MRPS6: variants seen among roughly 807,000 people sequenced by gnomAD.
MRPS6 encodes mitochondrial ribosomal protein S6, also known as small ribosomal subunit protein bS6m.
A neutral mutation model predicts 13.1 loss-of-function variants in MRPS6; 6 were observed. The observed-to-expected ratio is 0.46, with a 90% CI of 0.25 to 0.91. The LOEUF is 0.91. Ranked by LOEUF, MRPS6 falls within the 40% of genes least tolerant of loss-of-function variation. The probability of loss-of-function intolerance (pLI) is 0.18; values close to 1 mark genes in which losing one functional copy is unlikely to be tolerated. For synonymous variants in MRPS6, 61 were observed against 56.5 expected (o/e 1.08, Z -0.36); for missense variants, 164 against 155.6 (o/e 1.05, Z -0.29).
At chr21:34,114,629 C>G (rs1218029640) in intron 1 of MRPS6, among the ~76,000 whole-genome samples, 2 of 152,258 alleles carry the variant, frequency 1.3e-5, no homozygotes, top group South Asian at 2.1e-4. Flanking sequence ...GATTTCTGCC[C>G]TTTTCCTTTG....
intron 1 of MRPS6, chr21:34,122,571 A>G (rs1317338345): frequency 6.6e-6 from 1 of 152,180 alleles, no homozygotes; most frequent in Admixed American, 6.6e-5. Flanking sequence ...CTCTTACTTC[A>G]GAAGAGGGTA....
intron 1 of MRPS6, among the ~76,000 whole-genome samples, chr21:34,091,031 A>AG (rs11377958): frequency 1 from 152,358 of 152,358 alleles, 76,179 homozygotes; most frequent in Non-Finnish European, 1. Flanking sequence ...TCAGGTAATT[A>AG]GTTTTCAGAG....
chr21:34,085,117 G>A (rs1978324700), intron 1 of MRPS6, among the ~76,000 whole-genome samples: 1 of 152,144 alleles, frequency 6.6e-6, no homozygotes. Context: ...TTTTAATTCA[G>A]TATTCAATCA....
At chr21:34,135,381 G>A (rs997401156) in intron 2 of MRPS6, 13 of 182,444 alleles carry the variant, frequency 7.1e-5, no homozygotes, top group Non-Finnish European at 1.5e-4. Context: ...TTGTGGTGGC[G>A]TGGGGTTACC....
chr21:34,107,356 T>TG (rs535751181), intron 1 of MRPS6, among the ~76,000 whole-genome samples: 161 of 152,380 alleles, frequency 1.1e-3, no homozygotes, highest in African/African-American at 3.8e-3. Flanking sequence ...ACAAAAGTGA[T>TG]GCTACATCCC....
chr21:34,108,342 G>A (rs923177134), intron 1 of MRPS6, among the ~76,000 whole-genome samples: 4 of 152,106 alleles, frequency 2.6e-5, no homozygotes, highest in African/African-American at 7.2e-5. Context: ...GTCGTTGTGC[G>A]GTTACTTACA....
chr21:34,136,193 G>A (rs9984545), intron 2 of MRPS6: 3,270 of 158,046 alleles, frequency 0.021, 127 homozygotes, highest in African/African-American at 0.073. Context: ...TGCCACCCAG[G>A]CTGGAGTGCA....
chr21:34,100,400 C>A, intron 1 of MRPS6: 1 of 1,000,196 alleles, frequency 1.0e-6, no homozygotes, highest in Non-Finnish European at 1.2e-6. Context: ...CCGATTTCTT[C>A]TTCCCCAGCT....
intron 1 of MRPS6, among the ~76,000 whole-genome samples, chr21:34,086,844 C>T (rs538121490): frequency 4.1e-4 from 57 of 137,482 alleles, no homozygotes; most frequent in Non-Finnish European, 7.9e-4. Flanking sequence ...GAGGATTCTT[C>T]ATGAGTTGAC....
At chr21:34,127,291 G>A (rs1478617309) in intron 2 of MRPS6, among the ~76,000 whole-genome samples, 1 of 152,176 alleles carries the variant, frequency 6.6e-6, no homozygotes. Flanking sequence ...GGATAAATCA[G>A]TGTCTGGTAT....
chr21:34,099,741 C>G, intron 1 of MRPS6: 2 of 992,020 alleles, frequency 2.0e-6, no homozygotes, highest in Non-Finnish European at 1.2e-6. Context: ...AGCAGTAGGT[C>G]AAGTTTAGAG....
At chr21:34,104,059 G>T in intron 1 of MRPS6, 1 of 1,000,080 alleles carries the variant, frequency 1.0e-6, no homozygotes, top group Non-Finnish European at 1.2e-6. Flanking sequence ...TACTTTAACA[G>T]GGCAAATACT....
At chr21:34,104,132 T>A (rs1005585902) in intron 1 of MRPS6, 1 of 999,848 alleles carries the variant, frequency 1.0e-6, no homozygotes. Flanking sequence ...TTTATTTTTT[T>A]CCTATACTTG....
intron 1 of MRPS6, among the ~76,000 whole-genome samples, chr21:34,118,776 A>C (rs990244360): frequency 6.6e-6 from 1 of 152,094 alleles, no homozygotes; most frequent in South Asian, 2.1e-4. Context: ...TGGCATCCCA[A>C]AGTGCTGGGA....
intron 1 of MRPS6, among the ~76,000 whole-genome samples, chr21:34,088,392 ATG>A (rs1978507958): frequency 8.0e-4 from 1 of 1,246 alleles, no homozygotes; most frequent in African/African-American, 3.0e-3. Flanking sequence ...TGTGAAGCCT[ATG>A]CCTGGGACTT....
At chr21:34,092,588 G>C (rs567993958) in intron 1 of MRPS6, among the ~76,000 whole-genome samples, 9 of 152,318 alleles carry the variant, frequency 5.9e-5, no homozygotes, top group Admixed American at 3.9e-4. Context: ...TCATCAGGCA[G>C]CAGAATATAG....
chr21:34,075,553 GAAAA>G (rs1279497700), intron 1 of MRPS6, among the ~76,000 whole-genome samples: 1 of 151,904 alleles, frequency 6.6e-6, no homozygotes, highest in Non-Finnish European at 1.5e-5. Flanking sequence ...GCAAAAAAAA[GAAAA>G]AAAGCCCTAG....
At chr21:34,099,845 C>T (rs1979154375) in intron 1 of MRPS6, 1 of 507,852 alleles carries the variant, frequency 2.0e-6, no homozygotes, top group Admixed American at 6.4e-5. Context: ...AGACTAAAGT[C>T]CCTGAAGCTT....
At chr21:34,095,939 C>T in intron 1 of MRPS6, 6 of 1,614,078 alleles carry the variant, frequency 3.7e-6, no homozygotes, top group Non-Finnish European at 5.1e-6. Context: ...AGAAAGAAGC[C>T]CTGAAAATGC....
Sources: gnomAD v4.1 joint callset for allele counts (sites outside exome capture counted in the v4.1 genomes callset) on GRCh38, gnomAD v4.1.1 for gene constraint, MANE v1.5 for transcripts, NCBI Gene and HGNC (gene_info 2026-07-23, HGNC 2026-07-21) for gene names.